GLRA2: variants seen among roughly 807,000 people sequenced by gnomAD.
GLRA2 encodes glycine receptor alpha 2.
In GLRA2, 11 loss-of-function variants were observed where a neutral mutation model predicts 31.6. That is an observed-to-expected ratio of 0.35 (90% CI 0.22 to 0.58). GLRA2 has a LOEUF of 0.58. GLRA2 is among the 20% of genes least tolerant of loss of function. The pLI, the probability that GLRA2 is intolerant of heterozygous loss-of-function variation, is 0.84. For synonymous variants in GLRA2, 132 were observed against 134.0 expected, an observed-to-expected ratio of 0.99 and a Z score of 0.10; for missense variants, 212 against 351.8, an observed-to-expected ratio of 0.60 and a Z score of 3.18.
chrX:14,701,832 A>C (rs773079747), intron 8 of GLRA2, among the ~76,000 whole-genome samples: 1 of 112,184 alleles, frequency 8.9e-6, no homozygotes, highest in African/African-American at 3.2e-5. Context: ...TTTTGAAGGG[A>C]GTTCAATGTT....
At chrX:14,702,557 T>C (rs998266481) in intron 8 of GLRA2, among the ~76,000 whole-genome samples, 2 of 111,944 alleles carry the variant, frequency 1.8e-5, no homozygotes, top group Non-Finnish European at 1.9e-5. Flanking sequence ...GCTTTCTGGT[T>C]TGAATTCTTT....
At chrX:14,538,900 G>A (rs945062739) in intron 2 of GLRA2, among the ~76,000 whole-genome samples, 8 of 111,466 alleles carry the variant, frequency 7.2e-5, no homozygotes, top group East Asian at 2.8e-4. Context: ...CAGGTTAAGC[G>A]TACCAGAAAT....
At chrX:14,674,328 T>C (rs1181955893) in intron 7 of GLRA2, among the ~76,000 whole-genome samples, 3 of 112,431 alleles carry the variant, frequency 2.7e-5, no homozygotes, top group South Asian at 3.7e-4. Context: ...CAAAGCAATA[T>C]AAAAATACTA....
intron 2 of GLRA2, among the ~76,000 whole-genome samples, chrX:14,548,755 T>C (rs1404641476): frequency 8.9e-6 from 1 of 111,854 alleles, no homozygotes; most frequent in Non-Finnish European, 1.9e-5. Context: ...CAAAGGCGCA[T>C]AAATCATACA....
intron 8 of GLRA2, among the ~76,000 whole-genome samples, chrX:14,725,765 A>G (rs938218747): frequency 4.4e-5 from 5 of 112,479 alleles, no homozygotes; most frequent in Non-Finnish European, 9.4e-5. Flanking sequence ...AAATTTTACA[A>G]TAAGTAAAAC....
chrX:14,525,418 A>AT (rs1364235766), upstream of GLRA2, among the ~76,000 whole-genome samples: 1 of 111,855 alleles, frequency 8.9e-6, no homozygotes, highest in Non-Finnish European at 1.9e-5. Context: ...TAAAACATGA[A>AT]TTTTAACAGT....
At chrX:14,557,202 G>A (rs6526716) in intron 2 of GLRA2, among the ~76,000 whole-genome samples, 7 of 90,345 alleles carry the variant, frequency 7.7e-5, no homozygotes, top group Non-Finnish European at 1.1e-4. Context: ...TGTAAGCTCC[G>A]CCTCCTGGGT....
the GLRA2 span, among the ~76,000 whole-genome samples, chrX:14,501,884 G>T: frequency 9.0e-6 from 1 of 111,064 alleles, no homozygotes; most frequent in South Asian, 3.8e-4. Context: ...GTTGGGGTTG[G>T]TTTCTCCTGA....
At chrX:14,480,464 C>T in the GLRA2 span, among the ~76,000 whole-genome samples, 1 of 111,573 alleles carries the variant, frequency 9.0e-6, no homozygotes, top group Non-Finnish European at 1.9e-5. Flanking sequence ...ATGATGTTTC[C>T]TATGTTTTCT....
At chrX:14,531,733 G>T (rs191047904) in intron 1 of GLRA2, among the ~76,000 whole-genome samples, 124 of 111,289 alleles carry the variant, frequency 1.1e-3, no homozygotes, top group Non-Finnish European at 1.6e-3. Flanking sequence ...ATAGTTGATA[G>T]TTGGATTAGA....
At chrX:14,632,690 G>C (rs1480760028) in intron 7 of GLRA2, among the ~76,000 whole-genome samples, 1 of 110,979 alleles carries the variant, frequency 9.0e-6, no homozygotes, top group Non-Finnish European at 1.9e-5. Context: ...TTGGGGGGTA[G>C]GGGACCTTAT....
chrX:14,528,366 G>A (rs988844993), upstream of GLRA2, among the ~76,000 whole-genome samples: 5 of 111,798 alleles, frequency 4.5e-5, no homozygotes, highest in Admixed American at 9.5e-5. Context: ...AGTCATTTAC[G>A]GAGTAAAAAT....
chrX:14,697,211 G>A (rs1308574172), intron 8 of GLRA2, among the ~76,000 whole-genome samples: 5 of 112,051 alleles, frequency 4.5e-5, no homozygotes, highest in Non-Finnish European at 9.4e-5. Flanking sequence ...TGTGAGTAAT[G>A]CAATCATACA....
intron 7 of GLRA2, among the ~76,000 whole-genome samples, chrX:14,650,419 T>C (rs2090876642): frequency 1.8e-5 from 2 of 110,926 alleles, no homozygotes; most frequent in Admixed American, 1.9e-4. Context: ...TCTTTTGTTC[T>C]TTAGTGACAG....
At chrX:14,592,933 GAGTTGAAGAGCT>G (rs2090160287) in intron 4 of GLRA2, among the ~76,000 whole-genome samples, 3 of 112,166 alleles carry the variant, frequency 2.7e-5, no homozygotes, top group Non-Finnish European at 5.6e-5. Context: ...TGAGCCAGCA[GAGTTGAAGAGCT>G]AGTCTGCTAT....
the GLRA2 span, among the ~76,000 whole-genome samples, chrX:14,502,838 G>A: frequency 1.0e-5 from 1 of 100,034 alleles, no homozygotes; most frequent in Admixed American, 1.2e-4. Context: ...CCAGCACTAC[G>A]CTACATTTTA....
At chrX:14,728,298 C>T (rs1463302250) in intron 8 of GLRA2, among the ~76,000 whole-genome samples, 2 of 110,865 alleles carry the variant, frequency 1.8e-5, no homozygotes, top group African/African-American at 3.3e-5. Flanking sequence ...GGGTCTGAGG[C>T]GGGAGGATCA....
intron 2 of GLRA2, among the ~76,000 whole-genome samples, chrX:14,562,018 C>T (rs376939130): frequency 3.8e-4 from 42 of 111,793 alleles, no homozygotes; most frequent in African/African-American, 1.1e-3. Context: ...ATGTGTTCCA[C>T]GAAAAGGATG....
At chrX:14,471,327 T>C in the GLRA2 span, among the ~76,000 whole-genome samples, 1 of 111,833 alleles carries the variant, frequency 8.9e-6, no homozygotes, top group East Asian at 2.8e-4. Context: ...TCAACTGATA[T>C]CTTAAACAAA....
Sources: gnomAD v4.1 joint callset for allele counts (sites outside exome capture counted in the v4.1 genomes callset) on GRCh38, gnomAD v4.1.1 for gene constraint, MANE v1.5 for transcripts, NCBI Gene and HGNC (gene_info 2026-07-23, HGNC 2026-07-21) for gene names.